Variants in GRIA4 observed in about 807,000 individuals in gnomAD.
GRIA4 encodes the protein glutamate ionotropic receptor AMPA type subunit 4.
A neutral mutation model predicts 104.0 loss-of-function variants in GRIA4; 34 were observed. The observed-to-expected ratio is 0.33, with a 90% confidence interval of 0.25 to 0.44. The LOEUF (loss-of-function observed/expected upper bound fraction) is 0.44, where lower values mean the gene tolerates loss of function less well. Among genes scored for constraint, GRIA4 ranks in the 20% least tolerant of loss-of-function variants. The pLI, the probability that GRIA4 is intolerant of heterozygous loss-of-function variation, is 1.00. For missense variants in GRIA4, 750 were observed against 1,096.5 expected (o/e 0.68, Z 4.46); for synonymous variants, 386 against 381.9 (o/e 1.01, Z -0.13).
In GRIA4 at chr11:105,692,714, T is replaced by C. The variant is rs543289164; in HGVS notation, c.248-60267T>C. On this transcript the variant is annotated intron_variant, in intron 3 of 16. Coordinates refer to ENST00000282499, the MANE Select transcript of GRIA4 (RefSeq NM_000829.4). ...AAAAGACTTTGCATTCACAAGTCAG[T>C]GCGTGAATCGCAATCAGGCAAAAAT... is the stretch of plus-strand genomic sequence containing the variant. Among the ~76,000 whole-genome samples, 9 of 152,374 alleles carry C rather than the reference T, an allele frequency of 5.9e-5. No homozygotes were observed. In the South Asian group the frequency reaches 1.2e-3, roughly 21 times the overall value.
chr11:105,920,256 G>A (rs894330023), intron 11 of GRIA4, among the ~76,000 whole-genome samples: 5 of 152,120 alleles, frequency 3.3e-5, no homozygotes, highest in Admixed American at 1.3e-4. Context: ...TTTTACCACA[G>A]AGTTCATCGA....
chr11:105,948,599 T>TG (rs1948383955), intron 14 of GRIA4, among the ~76,000 whole-genome samples: 4 of 138,284 alleles, frequency 2.9e-5, no homozygotes, highest in African/African-American at 1.1e-4. Flanking sequence ...CTTTTTGTTT[T>TG]TTTTTTTTTT....
chr11:105,808,639 A>C (rs1262098430), intron 4 of GRIA4, among the ~76,000 whole-genome samples: 2 of 152,092 alleles, frequency 1.3e-5, no homozygotes, highest in African/African-American at 4.8e-5. Context: ...ATTCTTTAAA[A>C]ACTGATAGAG....
Position 105,811,667 on chromosome 11 carries a change from T to G in GRIA4, c.488-50357T>G, listed in dbSNP as rs185535957. Among the ~76,000 whole-genome samples, 30 of 152,278 alleles carry G rather than the reference T, an allele frequency of 2.0e-4. No homozygotes were observed. The East Asian group carries it at 5.8e-3, about 29-fold the overall frequency. ...ATTTCAGATAAACAATGCAGCAAATTTTTTGGAAAAGTGTGTTACAAATGT... is the reference window on the plus strand; with the variant it reads ...ATTTCAGATAAACAATGCAGCAAATGTTTTGGAAAAGTGTGTTACAAATGT... On this transcript the variant is annotated intron_variant, in intron 4 of 16. Coordinates refer to ENST00000282499, the MANE Select transcript of GRIA4 (RefSeq NM_000829.4).
intron 3 of GRIA4, among the ~76,000 whole-genome samples, chr11:105,692,786 T>C (rs1389010642): frequency 6.6e-6 from 1 of 152,250 alleles, no homozygotes; most frequent in Non-Finnish European, 1.5e-5. Context: ...TTTTTATTTA[T>C]GAAGTAATGC....
intron 5 of GRIA4, among the ~76,000 whole-genome samples, chr11:105,866,116 T>A (rs1038717786): frequency 6.6e-6 from 1 of 152,138 alleles, no homozygotes. Context: ...CTCTGAGAGA[T>A]GGATAAGAAA....
At chr11:105,776,361 G>A (rs56158624) in intron 4 of GRIA4, among the ~76,000 whole-genome samples, 2,156 of 151,988 alleles carry the variant, frequency 0.014, 15 homozygotes, top group Middle Eastern at 0.048. Context: ...AGGAATAATC[G>A]TATTTTCAAA....
chr11:105,766,733 T>G (rs1261538621), intron 4 of GRIA4, among the ~76,000 whole-genome samples: 1 of 152,130 alleles, frequency 6.6e-6, no homozygotes, highest in East Asian at 1.9e-4. Context: ...AGTGGCTTCC[T>G]AGCTCATTCA....
At chr11:105,863,459 A>G (rs912148677) in intron 5 of GRIA4, among the ~76,000 whole-genome samples, 2 of 152,058 alleles carry the variant, frequency 1.3e-5, no homozygotes, top group African/African-American at 2.4e-5. Flanking sequence ...AAGCCTATAC[A>G]TTACTCGGGC....
At chr11:105,959,917 C>T (rs1330078327) in intron 14 of GRIA4, among the ~76,000 whole-genome samples, 1 of 152,186 alleles carries the variant, frequency 6.6e-6, no homozygotes, top group Non-Finnish European at 1.5e-5. Context: ...AGGCCCTATT[C>T]ATCTGATTTG....
chr11:105,883,738 C>A (rs1379906146), intron 5 of GRIA4, among the ~76,000 whole-genome samples: 3 of 152,064 alleles, frequency 2.0e-5, no homozygotes, highest in African/African-American at 7.2e-5. Context: ...AATAAACATA[C>A]GTGTGCATGT....
At chr11:105,642,537 GAA>G (rs34987277) in intron 3 of GRIA4, among the ~76,000 whole-genome samples, 16,829 of 69,118 alleles carry the variant, frequency 0.24, 693 homozygotes, top group Non-Finnish European at 0.26. Context: ...CAATTTTAAT[GAA>G]AAAAAAAAAA....
At chr11:105,972,260 T>A (rs1858736951) in intron 15 of GRIA4, among the ~76,000 whole-genome samples, 1 of 152,210 alleles carries the variant, frequency 6.6e-6, no homozygotes, top group Admixed American at 6.5e-5. Flanking sequence ...AATTCTTAAA[T>A]AATAAAATTC....
chr11:105,970,483 T>C (rs964128408), intron 14 of GRIA4, among the ~76,000 whole-genome samples: 1 of 152,202 alleles, frequency 6.6e-6, no homozygotes, highest in Non-Finnish European at 1.5e-5. Context: ...ACTTGCTGAA[T>C]TAAGCTCCCT....
intron 3 of GRIA4, among the ~76,000 whole-genome samples, chr11:105,746,788 A>C (rs1260180801): frequency 6.6e-6 from 1 of 152,184 alleles, no homozygotes; most frequent in Non-Finnish European, 1.5e-5. Context: ...AGAACTAAGA[A>C]ACAGAAAAAT....
chr11:105,669,980 G>T (rs1952307846), intron 3 of GRIA4, among the ~76,000 whole-genome samples: 1 of 152,020 alleles, frequency 6.6e-6, no homozygotes, highest in African/African-American at 2.4e-5. Flanking sequence ...CACCATGTGG[G>T]CTCAGAAAAC....
intron 14 of GRIA4, among the ~76,000 whole-genome samples, chr11:105,941,835 T>C (rs745936212): frequency 5.3e-5 from 8 of 152,226 alleles, no homozygotes; most frequent in Middle Eastern, 3.4e-3. Context: ...TCTGCTGTTA[T>C]AGAAGAGTGA....
At chr11:105,632,931 T>C (rs4754133) in intron 3 of GRIA4, among the ~76,000 whole-genome samples, 52,442 of 151,978 alleles carry the variant, frequency 0.35, 9,829 homozygotes, top group Admixed American at 0.47. Context: ...AAAATGCACA[T>C]TTCAATGGCT....
At chr11:105,780,790 G>A (rs1330718218) in intron 4 of GRIA4, among the ~76,000 whole-genome samples, 3 of 152,114 alleles carry the variant, frequency 2.0e-5, no homozygotes, top group African/African-American at 4.8e-5. Flanking sequence ...TGAAAATCAT[G>A]CACTTTAGTC....
Sources: allele counts gnomAD v4.1 joint callset (sites outside exome capture counted in the v4.1 genomes callset), GRCh38; gene constraint gnomAD v4.1.1; transcripts MANE v1.5; gene names NCBI Gene and HGNC (gene_info 2026-07-23, HGNC 2026-07-21).